FARS2: variants seen among roughly 807,000 people sequenced by gnomAD.
FARS2 encodes the protein phenylalanyl-tRNA synthetase 2, mitochondrial, also known as phenylalanine--tRNA ligase, mitochondrial.
In FARS2, 40 loss-of-function variants were observed where a neutral mutation model predicts 46.4. That is an observed-to-expected ratio of 0.86 (90% CI 0.67 to 1.12). The LOEUF is 1.12. FARS2 is among the 50% of genes most tolerant of loss of function. The pLI is 0.00. For synonymous variants in FARS2, 234 were observed against 214.9 expected, an observed-to-expected ratio of 1.09 and a Z score of -0.78; for missense variants, 513 against 567.9, an observed-to-expected ratio of 0.90 and a Z score of 0.98.
chr6:5,734,620 T>C (rs80305194), intron 6 of FARS2, among the ~76,000 whole-genome samples: 4,100 of 152,284 alleles, frequency 0.027, 194 homozygotes, highest in African/African-American at 0.094. Context: ...CATAGCCAGA[T>C]AGTAGTTTAA....
Position 5,613,190 on chromosome 6 carries a change from G to T in FARS2, c.1087G>T (p.Val363Leu), listed in dbSNP as rs765462821. Residue 363 changes from valine (V) to leucine (L), a missense_variant, in exon 6 of 7, where the codon GTG (valine) becomes TTG (leucine). Physicochemically the swap from Val to Leu is conservative, Grantham distance 32. Coordinates refer to ENST00000274680, the MANE Select transcript of FARS2 (RefSeq NM_006567.5). ...TTAGCCTCTTAGCAAATATCCGGCT[G>T]TGATCAATGATATTTCATTCTGGTT... ...KFQPLSKYPAVINDISFWLPS... is the reference protein window; with the variant it reads ...KFQPLSKYPALINDISFWLPS... 1 of 1,612,984 alleles carries T rather than the reference G, an allele frequency of 6.2e-7. No individual in the cohort carries two copies. The highest frequency in any genetic ancestry group is 8.5e-7 in the Non-Finnish European group (1 of 1,179,522).
chr6:5,710,648 C>G (rs1007200668), intron 6 of FARS2, among the ~76,000 whole-genome samples: 1 of 152,246 alleles, frequency 6.6e-6, no homozygotes, highest in African/African-American at 2.4e-5. Flanking sequence ...AGATAGGAAT[C>G]TGGGACGCGG....
chr6:5,555,864 C>T (rs951836426), intron 5 of FARS2, among the ~76,000 whole-genome samples: 2 of 152,080 alleles, frequency 1.3e-5, no homozygotes, highest in African/African-American at 2.4e-5. Flanking sequence ...ATTCAGTAAG[C>T]ATTGTTGACT....
At chr6:5,300,286 A>C (rs12523945) in intron 1 of FARS2, among the ~76,000 whole-genome samples, 30 of 152,328 alleles carry the variant, frequency 2.0e-4, no homozygotes, top group Admixed American at 1.9e-3. Context: ...CTGTGTGTAC[A>C]TGTAAGTATA....
chr6:5,398,937 A>G (rs1243576612), intron 2 of FARS2, among the ~76,000 whole-genome samples: 1 of 152,004 alleles, frequency 6.6e-6, no homozygotes, highest in Non-Finnish European at 1.5e-5. Context: ...CTAGTGTACA[A>G]TATTTGCTAT....
intron 6 of FARS2, among the ~76,000 whole-genome samples, chr6:5,724,860 C>T (rs555777720): frequency 6.6e-6 from 1 of 152,370 alleles, no homozygotes; most frequent in African/African-American, 2.4e-5. Flanking sequence ...ACATCTGCCC[C>T]TTTTTGGAAT....
At chr6:5,596,341 C>T (rs539694621) in intron 5 of FARS2, among the ~76,000 whole-genome samples, 26 of 152,316 alleles carry the variant, frequency 1.7e-4, no homozygotes, top group African/African-American at 6.0e-4. Flanking sequence ...CCCCCTTTCC[C>T]CGTCCACAAA....
intron 4 of FARS2, among the ~76,000 whole-genome samples, chr6:5,473,072 C>T (rs1765893199): frequency 6.6e-6 from 1 of 152,104 alleles, no homozygotes; most frequent in Non-Finnish European, 1.5e-5. Context: ...TTGTATTGTT[C>T]TTGTTTTGTT....
intron 6 of FARS2, among the ~76,000 whole-genome samples, chr6:5,729,321 G>A (rs939458839): frequency 2.6e-5 from 4 of 152,168 alleles, no homozygotes; most frequent in Non-Finnish European, 5.9e-5. Context: ...GAGGTGTCCA[G>A]TTAGGCCCTG....
the FARS2 span, among the ~76,000 whole-genome samples, chr6:5,251,253 T>A: frequency 6.6e-6 from 1 of 152,206 alleles, no homozygotes; most frequent in Non-Finnish European, 1.5e-5. Context: ...AGAAGAATAT[T>A]TGGCATGAAG....
At chr6:5,542,190 CAG>C (rs111784848) in intron 4 of FARS2, among the ~76,000 whole-genome samples, 8,558 of 152,138 alleles carry the variant, frequency 0.056, 754 homozygotes, top group African/African-American at 0.19. Context: ...TCCTGTGACT[CAG>C]AATGCCTCAC....
intron 4 of FARS2, among the ~76,000 whole-genome samples, chr6:5,436,633 A>G (rs1469887863): frequency 6.6e-6 from 1 of 152,174 alleles, no homozygotes; most frequent in East Asian, 1.9e-4. Context: ...AAAGGGAACT[A>G]TGTCTGTCAG....
At chr6:5,666,675 A>G (rs1244860782) in intron 6 of FARS2, among the ~76,000 whole-genome samples, 1 of 152,214 alleles carries the variant, frequency 6.6e-6, no homozygotes, top group African/African-American at 2.4e-5. Context: ...CAGTTCCTCA[A>G]AGACCTAAAA....
intron 3 of FARS2, among the ~76,000 whole-genome samples, chr6:5,426,545 G>A (rs1186750573): frequency 6.6e-6 from 1 of 151,942 alleles, no homozygotes; most frequent in African/African-American, 2.4e-5. Flanking sequence ...GTATTTTGGG[G>A]GTAATATCAA....
At position 5,607,281 on chromosome 6, in the gene FARS2, ATGTATGTG is replaced by A. The variant is rs1420649739; in HGVS notation, c.1066-5884_1066-5877del. ...TTGGAACAATTTATTAAAGAATAAT[ATGTATGTG>A]TGTGTGTGTGTGTGTGTGTGTGTGT... On this transcript the variant is annotated intron_variant, in intron 5 of 6. Transcript: ENST00000274680. 6.4e-4 allele frequency among the ~76,000 whole-genome samples: 95 copies of A among 147,500 alleles called. 1 individual carries two copies. In the South Asian group the frequency reaches 7.7e-3, roughly 12 times the overall value.
intron 1 of FARS2, chr6:5,291,157 T>C (rs187143897): frequency 1.3e-5 from 2 of 152,390 alleles, no homozygotes; most frequent in Admixed American, 1.3e-4. Flanking sequence ...GATGTGCATT[T>C]ACCATGAAGA....
At chr6:5,576,575 CT>C (rs1446475095) in intron 5 of FARS2, among the ~76,000 whole-genome samples, 15 of 143,618 alleles carry the variant, frequency 1.0e-4, no homozygotes, top group African/African-American at 2.6e-4. Context: ...GAGTATATAT[CT>C]ATGATATATA....
At chr6:5,677,298 T>G (rs1778815850) in intron 6 of FARS2, among the ~76,000 whole-genome samples, 2 of 152,156 alleles carry the variant, frequency 1.3e-5, no homozygotes, top group South Asian at 4.1e-4. Flanking sequence ...TAGGTAAGGT[T>G]TGTGTTCTGC....
intron 4 of FARS2, among the ~76,000 whole-genome samples, chr6:5,520,660 T>C (rs935309754): frequency 6.6e-5 from 10 of 152,206 alleles, no homozygotes; most frequent in Non-Finnish European, 1.3e-4. Flanking sequence ...TGTTTTTCAT[T>C]GTCAAACTGA....
Sources: allele counts gnomAD v4.1 joint callset (sites outside exome capture counted in the v4.1 genomes callset), GRCh38; gene constraint gnomAD v4.1.1; transcripts MANE v1.5; gene names NCBI Gene and HGNC (gene_info 2026-07-23, HGNC 2026-07-21).